The following FZD3 variants were observed in gnomAD, a reference collection of about 807,000 sequenced individuals.
FZD3 encodes frizzled-3.
A neutral mutation model predicts 60.7 loss-of-function variants in FZD3; 30 were observed. The observed-to-expected ratio is 0.49, with a 90% CI of 0.37 to 0.67. The LOEUF (loss-of-function observed/expected upper bound fraction) is 0.67. Among genes scored for constraint, FZD3 ranks in the 30% least tolerant of loss-of-function variants. FZD3 has a pLI of 0.00. For synonymous variants in FZD3, 246 were observed against 275.2 expected, an observed-to-expected ratio of 0.89 and a Z score of 1.05; for missense variants, 605 against 838.7, an observed-to-expected ratio of 0.72 and a Z score of 3.44.
intron 5 of FZD3, among the ~76,000 whole-genome samples, chr8:28,548,640 T>G: frequency 6.6e-6 from 1 of 152,256 alleles, no homozygotes; most frequent in East Asian, 1.9e-4. Flanking sequence ...GTTCTATAAT[T>G]ACACAGTTTT....
At chr8:28,498,058 G>A (rs967325572) in intron 1 of FZD3, among the ~76,000 whole-genome samples, 1 of 152,164 alleles carries the variant, frequency 6.6e-6, no homozygotes, top group South Asian at 2.1e-4. Flanking sequence ...ATAGAAATGG[G>A]TAAGCTTTAA....
intron 7 of FZD3, among the ~76,000 whole-genome samples, chr8:28,562,523 G>A (rs1460581622): frequency 1.3e-5 from 2 of 152,176 alleles, no homozygotes; most frequent in Non-Finnish European, 2.9e-5. Context: ...CATATCGAGT[G>A]CAGCTTCAAA....
chr8:28,516,835 C>T (rs923764389), intron 3 of FZD3, among the ~76,000 whole-genome samples: 1 of 151,922 alleles, frequency 6.6e-6, no homozygotes, highest in Admixed American at 6.6e-5. Context: ...GTTAGTTGTG[C>T]ATTCTTTTAT....
chr8:28,542,855 T>C (rs1338105154), intron 5 of FZD3, among the ~76,000 whole-genome samples: 1 of 152,180 alleles, frequency 6.6e-6, no homozygotes, highest in Non-Finnish European at 1.5e-5. Flanking sequence ...TGTTATGTCT[T>C]TTGTACAAGG....
In FZD3 at chr8:28,569,317, A is replaced by C. The variant is rs960790487; in HGVS notation, c.*6306A>C. ...AAACTGTATTATTTTATTTTTAAAA[A>C]TACAATAGGATTTTGAGTCAGGAAA... On this transcript the variant is annotated 3_prime_UTR_variant, in exon 8 of 8. Transcript: ENST00000240093. 2.0e-5 allele frequency: 3 copies of C among 151,964 alleles called. No homozygotes were observed. Among genetic ancestry groups the C allele is most frequent in the African/African-American group, 7.2e-5 (3 of 41,386 alleles). 9.4% of individuals were successfully genotyped at this position (151,964 alleles called of 1,614,324 possible). A position where few individuals can be genotyped will look rare whatever the true frequency, so the allele number is the denominator to read the frequency against.
chr8:28,499,318 ATC>A (rs1354201898), intron 1 of FZD3, among the ~76,000 whole-genome samples: 2 of 152,120 alleles, frequency 1.3e-5, no homozygotes, highest in Non-Finnish European at 2.9e-5. Context: ...TATTGTTACT[ATC>A]TTACTGTATC....
intron 5 of FZD3, among the ~76,000 whole-genome samples, chr8:28,532,625 C>T (rs926193620): frequency 1.3e-5 from 2 of 151,572 alleles, no homozygotes; most frequent in African/African-American, 4.9e-5. Context: ...ATGGGGTCTC[C>T]CTGTGTTGCC....
chr8:28,513,382 A>G (rs988910653), intron 3 of FZD3, among the ~76,000 whole-genome samples: 10 of 152,194 alleles, frequency 6.6e-5, no homozygotes, highest in African/African-American at 2.4e-4. Context: ...ACTTGTGAAA[A>G]CACATATTCT....
chr8:28,515,255 G>T (rs1804394132), intron 3 of FZD3, among the ~76,000 whole-genome samples: 1 of 152,210 alleles, frequency 6.6e-6, no homozygotes, highest in Non-Finnish European at 1.5e-5. Flanking sequence ...ATCCATACGG[G>T]TCTGCAGCAA....
chr8:28,543,233 C>T (rs945065269), intron 5 of FZD3, among the ~76,000 whole-genome samples: 24 of 152,278 alleles, frequency 1.6e-4, no homozygotes, highest in African/African-American at 5.8e-4. Context: ...TCCTCTTCAT[C>T]GTATTACTTA....
chr8:28,524,229 T>C (rs1271430426), intron 4 of FZD3, among the ~76,000 whole-genome samples: 6 of 152,248 alleles, frequency 3.9e-5, no homozygotes, highest in Non-Finnish European at 1.5e-5. Flanking sequence ...TTTGTTTCTT[T>C]ATTTAGCTTA....
At chr8:28,550,824 T>C (rs1426271099) in intron 5 of FZD3, among the ~76,000 whole-genome samples, 2 of 152,154 alleles carry the variant, frequency 1.3e-5, no homozygotes, top group African/African-American at 4.8e-5. Flanking sequence ...AGGTTTGCTT[T>C]ATTGATTGAT....
intron 5 of FZD3, among the ~76,000 whole-genome samples, chr8:28,545,276 C>T (rs971918223): frequency 2.6e-5 from 4 of 152,174 alleles, no homozygotes; most frequent in Admixed American, 2.6e-4. Context: ...CTGTGACTTG[C>T]CTTTGATTAG....
chr8:28,531,069 C>G (rs915144992), intron 5 of FZD3, among the ~76,000 whole-genome samples: 46 of 151,986 alleles, frequency 3.0e-4, no homozygotes, highest in Admixed American at 3.0e-3. Flanking sequence ...TGTTTGTGTA[C>G]CTATGTATCT....
intron 5 of FZD3, among the ~76,000 whole-genome samples, chr8:28,533,748 C>T (rs1279451624): frequency 1.3e-5 from 2 of 152,096 alleles, no homozygotes; most frequent in African/African-American, 4.8e-5. Context: ...CACTTGGATA[C>T]GTTTTAAAAA....
Position 28,525,414 on chromosome 8 carries a change from A to C in FZD3, c.387-1733A>C, listed in dbSNP as rs147385833. On this transcript the variant is annotated intron_variant, in intron 4 of 7. Coordinates refer to ENST00000240093, the MANE Select transcript of FZD3 (RefSeq NM_017412.4). ...TTTGGAGAAGGCCTTATTGATAAGGAGGCTTTGGACCAGGGACTTGAATGA... is the reference window on the plus strand; with the variant it reads ...TTTGGAGAAGGCCTTATTGATAAGGCGGCTTTGGACCAGGGACTTGAATGA... 3.4e-3 allele frequency among the ~76,000 whole-genome samples: 520 copies of C among 152,304 alleles called. 3 individuals are homozygous for C. The highest frequency in any genetic ancestry group is 0.012 in the African/African-American group (501 of 41,562).
intron 4 of FZD3, among the ~76,000 whole-genome samples, chr8:28,522,654 T>C (rs1490885527): frequency 6.6e-6 from 1 of 152,158 alleles, no homozygotes; most frequent in Non-Finnish European, 1.5e-5. Flanking sequence ...CATAGAAATC[T>C]CATAATCTTT....
At chr8:28,508,502 G>C (rs761585170) in intron 3 of FZD3, among the ~76,000 whole-genome samples, 5 of 150,650 alleles carry the variant, frequency 3.3e-5, no homozygotes, top group Non-Finnish European at 5.9e-5. Flanking sequence ...TAATATTGCA[G>C]GGTGTTGTTT....
At position 28,555,943 on chromosome 8, in the gene FZD3, G is replaced by A. The variant is rs765903608; in HGVS notation, c.1759G>A (p.Gly587Ser). 34 of 1,612,778 alleles carry A rather than the reference G, an allele frequency of 2.1e-5. No individual in the cohort carries two copies. Among genetic ancestry groups the A allele is most frequent in the East Asian group, 4.5e-5 (2 of 44,878 alleles). ...SIHSKVSSYH[G>S]SLHRSRDGRY... The stretch of plus-strand genomic sequence containing the variant: ...CCACAGCAAAGTGAGCAGCTACCAC[G>A]GCAGCCTCCACAGATCACGTGATGG... Residue 587 changes from glycine (G) to serine (S), a missense_variant, in exon 7 of 8, where the codon GGC becomes AGC. Physicochemically the swap from Gly to Ser is moderately conservative, Grantham distance 56. Transcript: ENST00000240093.
Sources: gnomAD v4.1 joint callset for allele counts (sites outside exome capture counted in the v4.1 genomes callset) on GRCh38, gnomAD v4.1.1 for gene constraint, MANE v1.5 for transcripts, NCBI Gene and HGNC (gene_info 2026-07-23, HGNC 2026-07-21) for gene names.